Variants in CCDC88C observed in about 807,000 individuals in gnomAD.
CCDC88C encodes the protein coiled-coil and HOOK domain protein 88C.
CCDC88C carries 131 observed loss-of-function variants against 198.8 expected under a neutral mutation model. The observed-to-expected ratio is 0.66, with a 90% confidence interval of 0.57 to 0.76. The LOEUF (loss-of-function observed/expected upper bound fraction) is 0.76, where lower values mean the gene tolerates loss of function less well. Among genes scored for constraint, CCDC88C ranks in the 30% least tolerant of loss-of-function variants. The pLI, the probability that CCDC88C is intolerant of heterozygous loss-of-function variation, is 0.00. For missense variants in CCDC88C, 2,553 were observed against 2,631.6 expected, an observed-to-expected ratio of 0.97 and a Z score of 0.65; for synonymous variants, 1,166 against 1,114.7, an observed-to-expected ratio of 1.05 and a Z score of -0.92.
intron 4 of CCDC88C, among the ~76,000 whole-genome samples, chr14:91,354,376 G>A (rs923364072): frequency 6.6e-6 from 1 of 152,226 alleles, no homozygotes; most frequent in African/African-American, 2.4e-5. Context: ...GGACCCCGGA[G>A]CTGGTCTAGC....
chr14:91,273,744 C>T lies in CCDC88C; in HGVS notation c.5059-91G>A, dbSNP rs1333983123. 8.5e-7 allele frequency: 1 copy of T among 1,175,020 alleles called. No homozygotes were observed. The highest frequency in any genetic ancestry group is 1.6e-5 in the African/African-American group (1 of 63,568). The allele number at this position is 1,175,020 out of a possible 1,614,324, so 72.8% of individuals were successfully genotyped here. A position where few individuals can be genotyped will look rare whatever the true frequency, so the allele number is the denominator to read the frequency against. On this transcript the variant is annotated intron_variant, in intron 29 of 29. Coordinates refer to ENST00000389857, the MANE Select transcript of CCDC88C (RefSeq NM_001080414.4). This position sits in a 1 kb window ranked among gnomAD's most constrained non-coding sequence, Gnocchi z 5.6. ...CTGCGCGGGACGCCCCCGAGCAGCC[C>T]ACGTGGCTGGGACCGCAGTTCCTGC...
At chr14:91,278,961 G>C (rs766898543) in intron 28 of CCDC88C, among the ~76,000 whole-genome samples, 3 of 124,348 alleles carry the variant, frequency 2.4e-5, no homozygotes, top group Non-Finnish European at 4.7e-5. Context: ...GAATGCAGTA[G>C]CATGATCACA....
intron 4 of CCDC88C, among the ~76,000 whole-genome samples, chr14:91,358,603 G>C (rs1288875271): frequency 6.6e-6 from 1 of 152,254 alleles, no homozygotes; most frequent in Non-Finnish European, 1.5e-5. Context: ...GAAGTTATCT[G>C]ACAGGCAGAG....
At chr14:91,292,938 C>T (rs890716965) in intron 23 of CCDC88C, among the ~76,000 whole-genome samples, 21 of 151,784 alleles carry the variant, frequency 1.4e-4, no homozygotes, top group Non-Finnish European at 2.5e-4. Flanking sequence ...GAAGCTACCA[C>T]AGCTGAGCGC....
intron 4 of CCDC88C, among the ~76,000 whole-genome samples, chr14:91,358,872 G>C (rs1259019513): frequency 6.6e-6 from 1 of 152,176 alleles, no homozygotes; most frequent in African/African-American, 2.4e-5. Flanking sequence ...CCTGCCAGGA[G>C]AGCTGAGTCC....
chr14:91,358,092 G>A (rs1017674131), intron 4 of CCDC88C, among the ~76,000 whole-genome samples: 1 of 152,230 alleles, frequency 6.6e-6, no homozygotes, highest in Non-Finnish European at 1.5e-5. Flanking sequence ...TCAGCCAGCT[G>A]GAGCCCAGAA....
At chr14:91,373,953 C>T (rs1323851540) in intron 3 of CCDC88C, among the ~76,000 whole-genome samples, 1 of 152,200 alleles carries the variant, frequency 6.6e-6, no homozygotes, top group Non-Finnish European at 1.5e-5. Flanking sequence ...GCAATCAGTG[C>T]CCCCAGGCCC....
chr14:91,350,883 G>A (rs1883924819), intron 4 of CCDC88C, among the ~76,000 whole-genome samples: 2 of 152,146 alleles, frequency 1.3e-5, no homozygotes, highest in African/African-American at 2.4e-5. Flanking sequence ...GCAATCCCCC[G>A]AGGACGGCAT....
intron 13 of CCDC88C, among the ~76,000 whole-genome samples, chr14:91,318,191 C>T (rs941890494): frequency 1.3e-5 from 2 of 151,850 alleles, no homozygotes; most frequent in Non-Finnish European, 2.9e-5. Flanking sequence ...AGGCTGAGAC[C>T]GAAGGACTGC....
chr14:91,291,680 T>G (rs977461030), intron 23 of CCDC88C, among the ~76,000 whole-genome samples: 11 of 152,280 alleles, frequency 7.2e-5, no homozygotes, highest in African/African-American at 2.6e-4. Context: ...CGGCAGACCC[T>G]GCTGCCACAG....
intron 3 of CCDC88C, among the ~76,000 whole-genome samples, chr14:91,397,319 C>G (rs1464277404): frequency 6.6e-6 from 1 of 152,212 alleles, no homozygotes; most frequent in Admixed American, 6.5e-5. Flanking sequence ...TGAGCCAAAC[C>G]TCCTTCCCGC....
In CCDC88C at chr14:91,272,726, G is replaced by A; in HGVS notation, c.5986C>T (p.Leu1996=). The change falls in exon 30 of 30, where the codon CTG becomes TTG. Residue 1996 remains leucine, a synonymous_variant. Coordinates refer to ENST00000389857, the MANE Select transcript of CCDC88C (RefSeq NM_001080414.4). ...PDLAPHLGRA[L]EDCSRGSVSK... ...ACGCTCCCTCGACTGCAGTCCTCCA[G>A]GGCCCGGCCGAGGTGGGGAGCCAAA... 1 of 1,610,430 alleles carries A rather than the reference G, an allele frequency of 6.2e-7. No homozygotes were observed. The highest frequency in any genetic ancestry group is 8.5e-7 in the Non-Finnish European group (1 of 1,179,522).
At chr14:91,358,249 G>C (rs746835160) in intron 4 of CCDC88C, among the ~76,000 whole-genome samples, 3 of 152,196 alleles carry the variant, frequency 2.0e-5, no homozygotes, top group Non-Finnish European at 4.4e-5. Context: ...ACTGTCATAC[G>C]GACAGGAGAG....
In CCDC88C at chr14:91,417,795, G is replaced by A. The variant is rs1285752006; in HGVS notation, c.-105C>T. On this transcript the variant is annotated 5_prime_UTR_variant, in exon 1 of 30. Transcript: ENST00000389857. ...AGCGAGCAGCGGGCGCGGGGCTGCG[G>A]CGGCTCGCGCCCGGGAGACAAAGGC... 11 of 702,874 alleles carry A rather than the reference G, an allele frequency of 1.6e-5. No homozygotes were observed. The highest frequency in any genetic ancestry group is 3.8e-5 in the African/African-American group (2 of 52,380). The allele number at this position is 702,874 out of a possible 1,614,324, so 43.5% of individuals were successfully genotyped here.
chr14:91,304,555 C>T (rs192347081), intron 19 of CCDC88C, among the ~76,000 whole-genome samples: 2 of 152,344 alleles, frequency 1.3e-5, no homozygotes, highest in Admixed American at 6.5e-5. Context: ...CAGCACTGCA[C>T]TCCAGCCTGG....
intron 2 of CCDC88C, among the ~76,000 whole-genome samples, chr14:91,409,955 C>G (rs1886713810): frequency 6.6e-6 from 1 of 152,210 alleles, no homozygotes; most frequent in African/African-American, 2.4e-5. Context: ...CTATGGCACT[C>G]TATGGTGTAC....
intron 3 of CCDC88C, among the ~76,000 whole-genome samples, chr14:91,406,003 A>G (rs1886463830): frequency 3.3e-5 from 5 of 152,182 alleles, no homozygotes; most frequent in Admixed American, 6.5e-5. Context: ...TCCCAGCACA[A>G]AAGGAGGGAG....
At chr14:91,366,153 T>TACAC (rs57281083) in intron 3 of CCDC88C, among the ~76,000 whole-genome samples, 13,791 of 136,310 alleles carry the variant, frequency 0.1, 972 homozygotes, top group East Asian at 0.16. Context: ...ACTTAAAAAA[T>TACAC]ACACACACAC....
chr14:91,369,538 C>CT (rs1005309638), intron 3 of CCDC88C, among the ~76,000 whole-genome samples: 9 of 151,872 alleles, frequency 5.9e-5, no homozygotes, highest in East Asian at 1.9e-4. Flanking sequence ...TATTATTTTT[C>CT]TTTTTTTTAC....
Sources: gnomAD v4.1 joint callset for allele counts (sites outside exome capture counted in the v4.1 genomes callset) on GRCh38, gnomAD v4.1.1 for gene constraint, Gnocchi (gnomAD v3.1) non-coding constraint, MANE v1.5 for transcripts, NCBI Gene and HGNC (gene_info 2026-07-23, HGNC 2026-07-21) for gene names.